Variants in PDS5B observed in about 807,000 individuals in gnomAD.
The protein encoded by PDS5B is sister chromatid cohesion protein PDS5 homolog B.
In PDS5B, 51 loss-of-function variants were observed where a neutral mutation model predicts 184.1. The ratio of observed to expected loss-of-function variants is 0.28; its 90% CI spans 0.22 to 0.35. PDS5B has a LOEUF of 0.35. Ranked by LOEUF, PDS5B falls within the 10% of genes least tolerant of loss-of-function variation. The pLI is 1.00. For synonymous variants in PDS5B, 566 were observed against 569.2 expected (o/e 0.99, Z 0.08); for missense variants, 1,180 against 1,723.3 (o/e 0.68, Z 5.58).
At chr13:32,684,360 TTTC>T (rs1566324582) in intron 11 of PDS5B, among the ~76,000 whole-genome samples, 1 of 152,232 alleles carries the variant, frequency 6.6e-6, no homozygotes, top group South Asian at 2.1e-4. Context: ...CTTCTTTTTC[TTTC>T]TTCTTTCAGG....
intron 19 of PDS5B, among the ~76,000 whole-genome samples, 169 bp from the exon 20 acceptor site, chr13:32,731,932 A>G (rs1953136575): frequency 6.6e-6 from 1 of 152,186 alleles, no homozygotes; most frequent in South Asian, 2.1e-4. Context: ...TTTTTAATAT[A>G]AATATTTATA....
intron 31 of PDS5B, 31 bp from the exon 32 acceptor site, chr13:32,770,090 A>T: frequency 1.3e-6 from 2 of 1,542,534 alleles, no homozygotes; most frequent in Non-Finnish European, 1.7e-6. Flanking sequence ...CAATTTCATA[A>T]CCATAAATTG....
At chr13:32,701,479 T>G in intron 17 of PDS5B, 41 bp downstream of exon 17, 1 of 1,195,454 alleles carries the variant, frequency 8.4e-7, no homozygotes, top group Non-Finnish European at 1.2e-6. Flanking sequence ...TGCTGTTCAT[T>G]AATGTGTACA....
chr13:32,599,109 ATTC>A (rs971569852), intron 1 of PDS5B, among the ~76,000 whole-genome samples: 2 of 151,266 alleles, frequency 1.3e-5, no homozygotes, highest in Non-Finnish European at 2.9e-5. Context: ...ATGTCATTTT[ATTC>A]TTCTCTGGTC....
intron 5 of PDS5B, 99 bp from the exon 6 acceptor site, chr13:32,659,055 G>A: frequency 1.4e-6 from 1 of 702,440 alleles, no homozygotes; most frequent in South Asian, 4.7e-5. Context: ...TAATATTTTA[G>A]TATTATTTTT....
chr13:32,740,958 A>G, intron 21 of PDS5B, 122 bp from the exon 22 acceptor site: 3 of 629,648 alleles, frequency 4.8e-6, no homozygotes, highest in South Asian at 2.0e-5. Context: ...TACTTTAGTC[A>G]TATATAACAA....
intron 1 of PDS5B, among the ~76,000 whole-genome samples, chr13:32,596,798 T>A (rs1220796604): frequency 1.3e-5 from 2 of 152,254 alleles, no homozygotes; most frequent in East Asian, 3.9e-4. Context: ...TTTCGTAGGA[T>A]GCCTCTTCAA....
At chr13:32,619,114 T>C (rs116375112) in intron 1 of PDS5B, among the ~76,000 whole-genome samples, 246 of 152,334 alleles carry the variant, frequency 1.6e-3, no homozygotes, top group African/African-American at 5.7e-3. Context: ...AGAAGTTGTT[T>C]GGCTGTTTGC....
intron 1 of PDS5B, among the ~76,000 whole-genome samples, chr13:32,646,539 A>G (rs1200086245): frequency 1.3e-5 from 2 of 151,732 alleles, no homozygotes; most frequent in East Asian, 1.9e-4. Context: ...TCTATTGAGT[A>G]AATACCACAG....
intron 19 of PDS5B, among the ~76,000 whole-genome samples, chr13:32,719,040 A>G (rs1455437086): frequency 6.6e-6 from 1 of 152,256 alleles, no homozygotes; most frequent in Non-Finnish European, 1.5e-5. Context: ...CATTAAGTGT[A>G]TAACATGGAT....
intron 1 of PDS5B, among the ~76,000 whole-genome samples, chr13:32,634,981 A>G (rs978589043): frequency 6.6e-6 from 1 of 150,402 alleles, no homozygotes; most frequent in Non-Finnish European, 1.5e-5. Flanking sequence ...TCACAACCTC[A>G]GCAATATTTC....
chr13:32,686,136 G>A (rs1485701313), intron 11 of PDS5B, among the ~76,000 whole-genome samples: 2 of 152,084 alleles, frequency 1.3e-5, no homozygotes, highest in African/African-American at 4.8e-5. Flanking sequence ...GATTCATGAT[G>A]TTTTCAACAT....
At chr13:32,696,730 C>T in intron 14 of PDS5B, 124 bp from the exon 15 acceptor site, 1 of 673,714 alleles carries the variant, frequency 1.5e-6, no homozygotes, top group Non-Finnish European at 2.6e-6. Flanking sequence ...AAGAAGGTGA[C>T]AGTAGTGGTA....
chr13:32,700,026 ATAT>A (rs1253957572), intron 16 of PDS5B, among the ~76,000 whole-genome samples, 157 bp downstream of exon 16: 2 of 152,178 alleles, frequency 1.3e-5, no homozygotes. Context: ...ACAATTGTTA[ATAT>A]TGTGGTGTAT....
intron 1 of PDS5B, among the ~76,000 whole-genome samples, chr13:32,638,979 G>A (rs947593453): frequency 3.3e-5 from 5 of 152,042 alleles, no homozygotes; most frequent in African/African-American, 1.2e-4. Flanking sequence ...CGGGGGCGGC[G>A]TTGTACAAGA....
chr13:32,758,140 A>C lies in PDS5B; in HGVS notation c.3110A>C (p.His1037Pro). 1 of 1,542,146 alleles carries C rather than the reference A, an allele frequency of 6.5e-7. No homozygotes were observed. The highest frequency in any genetic ancestry group is 8.9e-7 in the Non-Finnish European group (1 of 1,129,610). Residue 1037 changes from histidine (H) to proline (P), a missense_variant, in exon 27 of 35, where the codon CAC becomes CCC. His to Pro is a moderately conservative substitution (Grantham distance 77, BLOSUM62 -2). Coordinates refer to ENST00000315596, the MANE Select transcript of PDS5B (RefSeq NM_015032.4). ...ILMAKNENNS[H>P]AFIRKMVENI... ...ATGGCTAAAAATGAAAATAACAGTCACGCTTTTATCAGAAAGATGGTAGAA... is the reference window on the plus strand; with the variant it reads ...ATGGCTAAAAATGAAAATAACAGTCCCGCTTTTATCAGAAAGATGGTAGAA...
chr13:32,772,765 G>C (rs192272787), intron 33 of PDS5B, among the ~76,000 whole-genome samples: 1 of 152,278 alleles, frequency 6.6e-6, no homozygotes, highest in East Asian at 1.9e-4. Flanking sequence ...GATGGGAATG[G>C]TTTGAATTAG....
At chr13:32,770,048 T>C in intron 31 of PDS5B, 73 bp from the exon 32 acceptor site, 1 of 1,349,632 alleles carries the variant, frequency 7.4e-7, no homozygotes, top group Non-Finnish European at 1.0e-6. Context: ...TAACAGATTT[T>C]TTTGTTTCAT....
chr13:32,710,431 A>G (rs1412399983), intron 19 of PDS5B, among the ~76,000 whole-genome samples: 2 of 152,220 alleles, frequency 1.3e-5, no homozygotes, highest in African/African-American at 4.8e-5. Context: ...AGGACTATCC[A>G]TAATATTCTT....
Sources: allele counts gnomAD v4.1 joint callset (sites outside exome capture counted in the v4.1 genomes callset), GRCh38; gene constraint gnomAD v4.1.1; transcripts MANE v1.5; gene names NCBI Gene and HGNC (gene_info 2026-07-23, HGNC 2026-07-21).